Variants in SUMF1 observed in about 807,000 individuals in gnomAD.
SUMF1 encodes the protein formylglycine-generating enzyme.
Under a neutral mutation model 47.6 loss-of-function variants are expected in SUMF1, and 48 were observed. The observed-to-expected ratio is 1.01, with a 90% confidence interval of 0.80 to 1.28. SUMF1 has a LOEUF of 1.28. Among genes scored for constraint, SUMF1 ranks in the 50% most tolerant of loss-of-function variants. SUMF1 has a pLI of 0.00. For missense variants in SUMF1, 571 were observed against 485.4 expected (o/e 1.18, Z -1.66); for synonymous variants, 230 against 192.1 (o/e 1.20, Z -1.63).
chr3:4,393,009 G>A (rs1336719319), intron 7 of SUMF1, among the ~76,000 whole-genome samples: 1 of 152,070 alleles, frequency 6.6e-6, no homozygotes, highest in African/African-American at 2.4e-5. Flanking sequence ...AAGTCTCCCT[G>A]GCTTTCACTT....
chr3:4,112,446 G>T (rs2648487), intron 8 of SUMF1, among the ~76,000 whole-genome samples: 104,237 of 151,994 alleles, frequency 0.69, 36,294 homozygotes, highest in Non-Finnish European at 0.74. Flanking sequence ...ATGGTGAGAA[G>T]AAATTGTAAA....
At chr3:4,103,028 T>G (rs539581049) in intron 8 of SUMF1, among the ~76,000 whole-genome samples, 2 of 151,962 alleles carry the variant, frequency 1.3e-5, no homozygotes, top group African/African-American at 4.8e-5. Context: ...GTTCAAATGA[T>G]TCTCCTGCCT....
At chr3:4,302,838 G>A (rs376372998) in intron 8 of SUMF1, among the ~76,000 whole-genome samples, 35 of 152,266 alleles carry the variant, frequency 2.3e-4, no homozygotes, top group African/African-American at 7.7e-4. Context: ...GGATGGAGAG[G>A]AGGGAAAAGG....
intron 8 of SUMF1, among the ~76,000 whole-genome samples, chr3:4,223,278 T>C (rs760991860): frequency 6.6e-6 from 1 of 152,172 alleles, no homozygotes; most frequent in Non-Finnish European, 1.5e-5. Context: ...ATCAGACAGG[T>C]TCAAGTTTGA....
chr3:4,264,182 T>A (rs1236582723), intron 8 of SUMF1, among the ~76,000 whole-genome samples: 1 of 152,074 alleles, frequency 6.6e-6, no homozygotes, highest in Non-Finnish European at 1.5e-5. Flanking sequence ...GAGTTAAAAA[T>A]AAAGCTCCCA....
At chr3:4,290,299 A>T (rs1202948193) in intron 8 of SUMF1, among the ~76,000 whole-genome samples, 1 of 152,236 alleles carries the variant, frequency 6.6e-6, no homozygotes, top group Non-Finnish European at 1.5e-5. Flanking sequence ...GTCTAAACAA[A>T]TCACAGCAAA....
intron 8 of SUMF1, among the ~76,000 whole-genome samples, chr3:4,073,003 C>A (rs865831504): frequency 6.6e-6 from 1 of 152,068 alleles, no homozygotes; most frequent in Non-Finnish European, 1.5e-5. Flanking sequence ...AGATATTCCT[C>A]GAGAAGAGCA....
At chr3:4,194,142 T>C (rs957321756) in intron 8 of SUMF1, among the ~76,000 whole-genome samples, 1 of 152,150 alleles carries the variant, frequency 6.6e-6, no homozygotes, top group Non-Finnish European at 1.5e-5. Flanking sequence ...TTATAGATAC[T>C]GAGCACTTGA....
At chr3:4,177,482 T>G (rs1230742418) in intron 8 of SUMF1, among the ~76,000 whole-genome samples, 1 of 152,162 alleles carries the variant, frequency 6.6e-6, no homozygotes, top group Non-Finnish European at 1.5e-5. Flanking sequence ...AGATGTTCTT[T>G]GAAACCAATG....
intron 8 of SUMF1, among the ~76,000 whole-genome samples, chr3:4,105,244 A>G (rs1693131870): frequency 6.6e-6 from 1 of 152,102 alleles, no homozygotes; most frequent in Admixed American, 6.6e-5. Context: ...GAATGAGAAA[A>G]GGGGAGATGT....
chr3:4,094,901 A>T (rs1372175198), intron 8 of SUMF1, among the ~76,000 whole-genome samples: 2 of 152,146 alleles, frequency 1.3e-5, no homozygotes, highest in African/African-American at 2.4e-5. Context: ...GCTAACACTT[A>T]CTTCACCAGT....
At chr3:4,251,114 A>G (rs527497904) in intron 8 of SUMF1, among the ~76,000 whole-genome samples, 1 of 152,356 alleles carries the variant, frequency 6.6e-6, no homozygotes, top group African/African-American at 2.4e-5. Context: ...TCTAGATACC[A>G]TTAAGAACAT....
chr3:4,325,480 G>A (rs1225779625), intron 8 of SUMF1, among the ~76,000 whole-genome samples: 3 of 152,152 alleles, frequency 2.0e-5, no homozygotes, highest in East Asian at 3.8e-4. Flanking sequence ...CTGTACTACT[G>A]AGAAGTCCAT....
rs557912473 is a variant in SUMF1, at chr3:4,266,063, G to A, written c.1014+110267C>T. 2.7e-4 allele frequency among the ~76,000 whole-genome samples: 41 copies of A among 152,186 alleles called. 1 individual carries two copies. Among genetic ancestry groups the A allele is most frequent in the African/African-American group, 9.6e-4 (40 of 41,532 alleles). ...GTAGACATGCGGCGTTATTTCTGAG[G>A]GCTCTGTTCTGTTCCATTGATCTAG... On this transcript the variant is annotated intron_variant and NMD_transcript_variant, in intron 8 of 12. Transcript: ENST00000448413.
Position 4,157,625 on chromosome 3 carries a change from T to C in SUMF1, c.1015-88880A>G, listed in dbSNP as rs753515041. Among the ~76,000 whole-genome samples the C allele has an allele frequency of 1.3e-4, 20 of 151,694 alleles. 1 individual carries two copies. Among genetic ancestry groups the C allele is most frequent in the Non-Finnish European group, 2.4e-4 (16 of 67,924 alleles). On this transcript the variant is annotated intron_variant and NMD_transcript_variant, in intron 8 of 12. Transcript: ENST00000448413. ...GAGTCCATGGATTTCTTCTTCCCTGTGTTCTTCTCTCTAATCATCAGAGTG... is the reference window on the plus strand; with the variant it reads ...GAGTCCATGGATTTCTTCTTCCCTGCGTTCTTCTCTCTAATCATCAGAGTG...
At chr3:4,083,839 CA>C (rs68132287) in intron 8 of SUMF1, among the ~76,000 whole-genome samples, 14,901 of 95,772 alleles carry the variant, frequency 0.16, 1,038 homozygotes, top group South Asian at 0.29. Flanking sequence ...ACAGGCATGT[CA>C]AAAAAAAAAA....
intron 8 of SUMF1, among the ~76,000 whole-genome samples, chr3:4,288,106 T>C (rs897389084): frequency 6.6e-6 from 1 of 152,128 alleles, no homozygotes; most frequent in African/African-American, 2.4e-5. Context: ...TCTATGACCA[T>C]TTAGAACTAC....
At chr3:4,432,348 A>G (rs1387372010) in intron 3 of SUMF1, among the ~76,000 whole-genome samples, 1 of 151,828 alleles carries the variant, frequency 6.6e-6, no homozygotes, top group Non-Finnish European at 1.5e-5. Context: ...CAGACCCATC[A>G]TCTCTCACCA....
intron 3 of SUMF1, among the ~76,000 whole-genome samples, chr3:4,427,799 T>G (rs933430342): frequency 1.3e-5 from 2 of 152,240 alleles, no homozygotes; most frequent in African/African-American, 4.8e-5. Flanking sequence ...GGAGTGGAAA[T>G]TCTAGGCAGA....
Sources: allele counts gnomAD v4.1 joint callset (sites outside exome capture counted in the v4.1 genomes callset), GRCh38; gene constraint gnomAD v4.1.1; transcripts MANE v1.5; gene names NCBI Gene and HGNC (gene_info 2026-07-23, HGNC 2026-07-21).